The following LRRD1 variants were observed in gnomAD, a reference collection of about 807,000 sequenced individuals.
LRRD1 encodes the protein leucine rich repeats and death domain containing 1, also known as leucine-rich repeat and death domain-containing protein 1.
LRRD1 carries 49 observed loss-of-function variants against 69.5 expected under a neutral mutation model. That is an observed-to-expected ratio of 0.70 (90% CI 0.56 to 0.89). The LOEUF (loss-of-function observed/expected upper bound fraction) is 0.89, where lower values mean the gene tolerates loss of function less well. LRRD1 is among the 40% of genes least tolerant of loss of function. The pLI, the probability that LRRD1 is intolerant of heterozygous loss-of-function variation, is 0.00. For missense variants in LRRD1, 853 were observed against 956.0 expected, an observed-to-expected ratio of 0.89 and a Z score of 1.42; for synonymous variants, 303 against 338.9, an observed-to-expected ratio of 0.89 and a Z score of 1.16.
intron 1 of LRRD1, among the ~76,000 whole-genome samples, chr7:92,167,693 C>T (rs1450580222): frequency 6.6e-6 from 1 of 150,938 alleles, no homozygotes; most frequent in Non-Finnish European, 1.5e-5. Flanking sequence ...CTGGCTAACA[C>T]AGTGAAATCA....
At chr7:92,177,140 A>G (rs1035252378) in intron 1 of LRRD1, among the ~76,000 whole-genome samples, 1 of 151,102 alleles carries the variant, frequency 6.6e-6, no homozygotes, top group Non-Finnish European at 1.5e-5. Context: ...CAATTATTAT[A>G]TATTATAAAT....
intron 1 of LRRD1, among the ~76,000 whole-genome samples, chr7:92,174,590 C>T (rs1398389646): frequency 4.5e-5 from 6 of 133,392 alleles, no homozygotes; most frequent in East Asian, 2.3e-4. Flanking sequence ...TCACAGCAAC[C>T]TCTGCCTCCC....
At position 92,164,975 on chromosome 7, in the gene LRRD1, C is replaced by G; in HGVS notation, c.228G>C (p.Lys76Asn). ...GATTTTTCTTTTGTTCTTCATTTCT[C>G]TTAGACTTCCTTCCAGAGGAAGATG... ...ESTSSSGRKS[K>N]RNEEQKKNLQ... Residue 76 changes from lysine to asparagine, a missense_variant, in exon 2 of 6, where the codon AAG becomes AAC. Physicochemically the swap from Lys to Asn is moderately conservative, Grantham distance 94. Coordinates refer to ENST00000458448, the MANE Select transcript of LRRD1 (RefSeq NM_001161528.2). The G allele has an allele frequency of 6.4e-7, 1 of 1,551,350 alleles. No individual in the cohort carries two copies. The highest frequency in any genetic ancestry group is 1.7e-4 in the Middle Eastern group (1 of 5,986).
Position 92,172,797 on chromosome 7 carries a change from A to G in LRRD1, c.-75+6210T>C, listed in dbSNP as rs189452728. On this transcript the variant is annotated intron_variant, in intron 1 of 5. Transcript: ENST00000458448. ...AATTTACAGATTCAATTCAATCTCT[A>G]TCAAAATACCAATGACATTCTTCAC... Among the ~76,000 whole-genome samples, 10 of 152,308 alleles carry G rather than the reference A, an allele frequency of 6.6e-5. No homozygotes were observed. The East Asian group carries it at 1.5e-3, about 23-fold the overall frequency.
At position 92,146,213 on chromosome 7, in the gene LRRD1, A is replaced by G. The variant is rs769450445; in HGVS notation, c.2279-13T>C. On this transcript the variant is annotated splice_polypyrimidine_tract_variant and intron_variant, in intron 4 of 5. Transcript: ENST00000458448. ...TCTAAAATTTTCTCTACGTTTGAAC[A>G]TAAAATAAAATGTATATCTTTTGAA... 1 of 1,205,196 alleles carries G rather than the reference A, an allele frequency of 8.3e-7. No homozygotes were observed. Among genetic ancestry groups the G allele is most frequent in the South Asian group, 1.5e-5 (1 of 68,800 alleles). The allele number at this position is 1,205,196 out of a possible 1,614,324, so 74.7% of individuals were successfully genotyped here. A position where few individuals can be genotyped will look rare whatever the true frequency, so the allele number is the denominator to read the frequency against.
chr7:92,165,499 CAAA>C (rs886330680), intron 1 of LRRD1, among the ~76,000 whole-genome samples: 1 of 151,742 alleles, frequency 6.6e-6, no homozygotes, highest in African/African-American at 2.4e-5. Flanking sequence ...CAGAAAGAAA[CAAA>C]AAAGTTCAAA....
In LRRD1 at chr7:92,165,050, A is replaced by T; in HGVS notation, c.153T>A (p.Ser51=). 1.3e-6 allele frequency: 2 copies of T among 1,551,660 alleles called. No individual in the cohort carries two copies. Among genetic ancestry groups the T allele is most frequent in the Non-Finnish European group, 1.7e-6 (2 of 1,146,982 alleles). Residue 51 remains serine, a synonymous_variant, in exon 2 of 6, where the codon TCT becomes TCA. Transcript: ENST00000458448. ...NEASDYLEGK[S]SNQIYETHPR... ...GATGTGTTTCATAAATCTGGTTAGA[A>T]GATTTCCCTTCCAGGTAATCAGAAG...
chr7:92,143,447 C>T (rs977238488), downstream of LRRD1, among the ~76,000 whole-genome samples: 5 of 152,110 alleles, frequency 3.3e-5, no homozygotes, highest in East Asian at 1.9e-4. Flanking sequence ...AGGCTCTGGC[C>T]GCACAGGAGC....
At position 92,165,055 on chromosome 7, in the gene LRRD1, T is replaced by C; in HGVS notation, c.148A>G (p.Lys50Glu). The C allele has an allele frequency of 6.4e-7, 1 of 1,551,676 alleles. No homozygotes were observed. Among genetic ancestry groups the C allele is most frequent in the South Asian group, 1.2e-5 (1 of 84,054 alleles). ...INEASDYLEG[K>E]SSNQIYETHP... ...GTTTCATAAATCTGGTTAGAAGATT[T>C]CCCTTCCAGGTAATCAGAAGCTTCG... The change falls in exon 2 of 6, where the codon AAA (lysine) becomes GAA (glutamate). Residue 50 changes from lysine to glutamate, a missense_variant. This residue lies in a region of LRRD1 where 99 missense variants were observed against 107.0 expected (regional missense o/e 0.92). Transcript: ENST00000458448.
chr7:92,160,550 G>A (rs1046432982), intron 2 of LRRD1, among the ~76,000 whole-genome samples: 6 of 152,084 alleles, frequency 3.9e-5, no homozygotes, highest in African/African-American at 7.2e-5. Flanking sequence ...GGCTGGGCTC[G>A]GTGGCTCACA....
At chr7:92,142,662 T>A, downstream of LRRD1, 1 of 409,558 alleles carries the variant, frequency 2.4e-6, no homozygotes, top group Non-Finnish European at 4.8e-6. Flanking sequence ...GATGTTCGGA[T>A]GTGTTCGGAG....
intron 1 of LRRD1, among the ~76,000 whole-genome samples, chr7:92,175,254 T>C (rs533136243): frequency 6.6e-6 from 1 of 152,348 alleles, no homozygotes; most frequent in African/African-American, 2.4e-5. Flanking sequence ...TTATGGTTTT[T>C]TGCTTTTTGT....
chr7:92,163,202 G>T, intron 2 of LRRD1, 84 bp downstream of exon 2: 3 of 845,898 alleles, frequency 3.5e-6, no homozygotes, highest in Non-Finnish European at 5.0e-6. Context: ...ACACACATAC[G>T]GTACCCACAG....
In LRRD1 at chr7:92,164,346, T is replaced by C; in HGVS notation, c.857A>G (p.Asn286Ser). 1 of 1,550,320 alleles carries C rather than the reference T, an allele frequency of 6.5e-7. No homozygotes were observed. Among genetic ancestry groups the C allele is most frequent in the South Asian group, 1.2e-5 (1 of 83,948 alleles). The change falls in exon 2 of 6, where the codon AAT (asparagine) becomes AGT (serine). Residue 286 changes from asparagine to serine, a missense_variant. Physicochemically the swap from Asn to Ser is conservative, Grantham distance 46. Around this residue, in one of 3 missense-constraint regions of LRRD1, gnomAD observed 739 missense variants for 808.0 expected, o/e 0.91. Transcript: ENST00000458448. ...TGTTGTTAACTGATTATATTCCAAA[T>C]TGAGAACCCTCAAGGTTTTTAAACT... ...LPSLKTLRVL[N>S]LEYNQLTTFP...
intron 1 of LRRD1, among the ~76,000 whole-genome samples, chr7:92,175,617 C>T (rs1789177235): frequency 6.6e-6 from 1 of 152,130 alleles, no homozygotes; most frequent in Admixed American, 6.5e-5. Flanking sequence ...CCATTGTACT[C>T]CAGCCTGGGC....
intron 3 of LRRD1, among the ~76,000 whole-genome samples, chr7:92,151,059 C>A (rs1820453988): frequency 6.6e-6 from 1 of 152,216 alleles, no homozygotes; most frequent in Non-Finnish European, 1.5e-5. Context: ...CCTCATCTAG[C>A]TTTAGTTTCT....
chr7:92,177,386 C>T (rs150282024), intron 1 of LRRD1, among the ~76,000 whole-genome samples: 14 of 152,196 alleles, frequency 9.2e-5, no homozygotes, highest in African/African-American at 3.4e-4. Context: ...ATTTTGTGCT[C>T]TCTTTAATGG....
At chr7:92,146,378 G>T (rs1563187810) in intron 4 of LRRD1, among the ~76,000 whole-genome samples, 178 bp from the exon 5 acceptor site, 1 of 152,172 alleles carries the variant, frequency 6.6e-6, no homozygotes, top group Non-Finnish European at 1.5e-5. Context: ...AGCACTTTGG[G>T]AGGCCGAGGC....
At chr7:92,167,900 AAAAAAAAAT>A (rs1357144553) in intron 1 of LRRD1, among the ~76,000 whole-genome samples, 2 of 149,172 alleles carry the variant, frequency 1.3e-5, no homozygotes, top group South Asian at 2.1e-4. Context: ...AAAAAAAAAA[AAAAAAAAAT>A]AAGTTATTCT....
Sources: gnomAD v4.1 joint callset for allele counts (sites outside exome capture counted in the v4.1 genomes callset) on GRCh38, gnomAD v4.1.1 for gene constraint, gnomAD v4.1.1 regional missense constraint, MANE v1.5 for transcripts, NCBI Gene and HGNC (gene_info 2026-07-23, HGNC 2026-07-21) for gene names.